CACNB4: variants seen among roughly 807,000 people sequenced by gnomAD.
The protein encoded by CACNB4 is calcium voltage-gated channel auxiliary subunit beta 4, also known as voltage-dependent L-type calcium channel subunit beta-4.
CACNB4 carries 32 observed loss-of-function variants against 71.2 expected under a neutral mutation model. That is an observed-to-expected ratio of 0.45 (90% CI 0.34 to 0.60). The LOEUF is 0.60. Ranked by LOEUF, CACNB4 falls within the 20% of genes least tolerant of loss-of-function variation. The pLI is 0.01. For synonymous variants in CACNB4, 231 were observed against 236.9 expected (o/e 0.97, Z 0.23); for missense variants, 464 against 647.9 (o/e 0.72, Z 3.08).
chr2:151,927,368 C>T (rs960300520), intron 2 of CACNB4, among the ~76,000 whole-genome samples: 4 of 152,092 alleles, frequency 2.6e-5, no homozygotes, highest in African/African-American at 7.2e-5. Context: ...GTATGTGGGC[C>T]ACTCGTGCAG....
intron 2 of CACNB4, among the ~76,000 whole-genome samples, chr2:151,979,019 G>T (rs1023900735): frequency 2.0e-5 from 3 of 151,976 alleles, no homozygotes; most frequent in African/African-American, 7.3e-5. Context: ...TGTACCCAGC[G>T]CTCTCCCACT....
intron 2 of CACNB4, among the ~76,000 whole-genome samples, chr2:151,984,068 T>C (rs1210401619): frequency 1.3e-5 from 2 of 152,158 alleles, no homozygotes; most frequent in Non-Finnish European, 2.9e-5. Flanking sequence ...TACCACAAGA[T>C]AGGAAAGTAA....
intron 2 of CACNB4, among the ~76,000 whole-genome samples, chr2:151,955,065 C>T (rs892431558): frequency 6.6e-6 from 1 of 152,062 alleles, no homozygotes; most frequent in Admixed American, 6.5e-5. Flanking sequence ...CTGTGTTAGC[C>T]AGGATGGTCT....
intron 2 of CACNB4, chr2:151,970,198 T>C (rs1311655872): frequency 6.6e-6 from 1 of 152,192 alleles, no homozygotes; most frequent in East Asian, 1.9e-4. Context: ...CCAGTTCTAG[T>C]CCTAGTATGC....
intron 2 of CACNB4, among the ~76,000 whole-genome samples, chr2:152,043,807 G>A (rs1684999862): frequency 1.3e-5 from 2 of 152,066 alleles, no homozygotes; most frequent in Non-Finnish European, 1.5e-5. Flanking sequence ...GTATTAAATT[G>A]CTCAACTGAG....
chr2:152,043,363 T>C (rs1008987202), intron 2 of CACNB4, among the ~76,000 whole-genome samples: 1 of 152,186 alleles, frequency 6.6e-6, no homozygotes, highest in Non-Finnish European at 1.5e-5. Flanking sequence ...CACTTTGTTA[T>C]CTAGGCTGGA....
chr2:152,018,483 T>C (rs1560136034), intron 2 of CACNB4, among the ~76,000 whole-genome samples: 2 of 152,056 alleles, frequency 1.3e-5, no homozygotes, highest in African/African-American at 2.4e-5. Flanking sequence ...CAAATATTTA[T>C]TAGATTTTGC....
At chr2:152,012,526 C>G (rs1240262522) in intron 2 of CACNB4, among the ~76,000 whole-genome samples, 2 of 151,386 alleles carry the variant, frequency 1.3e-5, no homozygotes, top group Non-Finnish European at 2.9e-5. Flanking sequence ...ATTGCTTGAA[C>G]CCGGGAGGCG....
intron 2 of CACNB4, among the ~76,000 whole-genome samples, chr2:152,085,645 C>T (rs1346829892): frequency 6.6e-6 from 1 of 152,062 alleles, no homozygotes; most frequent in African/African-American, 2.4e-5. Flanking sequence ...CAAACCCACA[C>T]TTGGGTGTGG....
intron 2 of CACNB4, among the ~76,000 whole-genome samples, chr2:152,005,574 C>T (rs1682678001): frequency 6.6e-6 from 1 of 152,188 alleles, no homozygotes; most frequent in South Asian, 2.1e-4. Flanking sequence ...TGTTCATGAT[C>T]TGGGTGAAGG....
chr2:152,079,121 C>G (rs1687199025), intron 2 of CACNB4, among the ~76,000 whole-genome samples: 1 of 152,070 alleles, frequency 6.6e-6, no homozygotes, highest in African/African-American at 2.4e-5. Context: ...CACAGTCTCA[C>G]TCTGTCGCCC....
chr2:151,979,423 A>T (rs568422756), intron 2 of CACNB4, among the ~76,000 whole-genome samples: 1 of 152,018 alleles, frequency 6.6e-6, no homozygotes, highest in South Asian at 2.1e-4. Context: ...TCTGTGATTG[A>T]CTTATTACTC....
rs58350369 is a variant in CACNB4, at chr2:152,074,747, T to C, written c.147+23583A>G. ...ATCACCCCCTCACCATTACCACCTC[T>C]ATCATCACCATCACCTTCACCTCCA... On this transcript the variant is annotated intron_variant, in intron 2 of 13. Transcript: ENST00000539935. Among the ~76,000 whole-genome samples, 828 of 105,548 alleles carry C rather than the reference T, an allele frequency of 7.8e-3. 30 individuals carry two copies. The highest frequency in any genetic ancestry group is 9.9e-3 in the Non-Finnish European group (497 of 50,446). The allele number at this position is 105,548 out of a possible 152,430, so 69.2% of individuals were successfully genotyped here.
At chr2:151,847,849 G>A (rs548445043) in intron 12 of CACNB4, among the ~76,000 whole-genome samples, 1 of 152,300 alleles carries the variant, frequency 6.6e-6, no homozygotes, top group East Asian at 1.9e-4. Context: ...TCGCGCCACT[G>A]CACTCCAACC....
intron 2 of CACNB4, chr2:151,972,879 T>G (rs1206667826): frequency 6.6e-6 from 1 of 152,172 alleles, no homozygotes; most frequent in Non-Finnish European, 1.5e-5. Context: ...GAGGTTTCTG[T>G]GTATTGATGA....
intron 2 of CACNB4, among the ~76,000 whole-genome samples, chr2:152,054,365 C>CAAA (rs34291036): frequency 4.7e-5 from 4 of 85,160 alleles, no homozygotes; most frequent in South Asian, 4.3e-4. Context: ...AACTCCGTCT[C>CAAA]AAAAAAAAAA....
chr2:151,987,413 C>T (rs116603488), intron 2 of CACNB4, among the ~76,000 whole-genome samples: 37 of 152,268 alleles, frequency 2.4e-4, no homozygotes, highest in African/African-American at 8.4e-4. Context: ...GCTATTTTGC[C>T]TGCCTTTGGA....
At chr2:152,017,656 C>T (rs1006171716) in intron 2 of CACNB4, among the ~76,000 whole-genome samples, 4 of 150,946 alleles carry the variant, frequency 2.6e-5, no homozygotes, top group Non-Finnish European at 5.9e-5. Context: ...TGCAGTGAGC[C>T]GAGATCATGC....
chr2:152,078,593 A>G (rs1053044930), intron 2 of CACNB4, among the ~76,000 whole-genome samples: 7 of 152,208 alleles, frequency 4.6e-5, no homozygotes, highest in East Asian at 3.9e-4. Context: ...GTTCAGGCCA[A>G]TGGATTATGA....
Sources: gnomAD v4.1 joint callset for allele counts (sites outside exome capture counted in the v4.1 genomes callset) on GRCh38, gnomAD v4.1.1 for gene constraint, MANE v1.5 for transcripts, NCBI Gene and HGNC (gene_info 2026-07-23, HGNC 2026-07-21) for gene names.